Variants in FAM72C observed in about 807,000 individuals in gnomAD.
FAM72C encodes RUMY family member 3.
Under a neutral mutation model 5.2 loss-of-function variants are expected in FAM72C, and 1 was observed. The observed-to-expected ratio is 0.19, with a 90% CI of 0.07 to 0.91. The LOEUF (loss-of-function observed/expected upper bound fraction) is 0.91, where lower values mean the gene tolerates loss of function less well. Among genes scored for constraint, FAM72C ranks in the 40% least tolerant of loss-of-function variants. FAM72C has a pLI of 0.66. For missense variants in FAM72C, 4 were observed against 66.0 expected (o/e 0.06, Z 3.25); for synonymous variants, 1 against 21.8 (o/e 0.05, Z 2.66).
At chr1:143,966,782 C>G (rs1479277870) in intron 2 of FAM72C, among the ~76,000 whole-genome samples, 12,916 of 144,264 alleles carry the variant, frequency 0.09, 1,943 homozygotes, top group Non-Finnish European at 0.13. Context: ...AATCCCAGCA[C>G]TTTGGGAGGC....
intron 3 of FAM72C, among the ~76,000 whole-genome samples, chr1:143,963,818 T>A (rs1258249010): frequency 7.2e-6 from 1 of 139,470 alleles, no homozygotes; most frequent in African/African-American, 2.7e-5. Context: ...CAATAAAGCA[T>A]TTTTTTTTTT....
Position 143,955,355 on chromosome 1 carries a change from G to A in FAM72C, c.*1032C>T, listed in dbSNP as rs1451089455. On this transcript the variant is annotated 3_prime_UTR_variant, in exon 4 of 4. Transcript: ENST00000584486. ...ATGTGGGCATAACAAAAAATTAAAG[G>A]AAGAATGGTCATTTTTAGAAAAAAC... The A allele has an allele frequency of 7.1e-6, 1 of 140,952 alleles. No individual in the cohort carries two copies. The highest frequency in any genetic ancestry group is 1.5e-5 in the Non-Finnish European group (1 of 64,616). 8.7% of individuals were successfully genotyped at this position (140,952 alleles called of 1,614,324 possible).
At chr1:143,959,218 A>G (rs1553517618) in intron 3 of FAM72C, among the ~76,000 whole-genome samples, 1 of 136,002 alleles carries the variant, frequency 7.4e-6, no homozygotes, top group Non-Finnish European at 1.6e-5. Flanking sequence ...TCTTTGAAAA[A>G]TTGACCAATA....
At chr1:143,967,229 G>A (rs1661798238) in intron 2 of FAM72C, among the ~76,000 whole-genome samples, 1 of 145,760 alleles carries the variant, frequency 6.9e-6, no homozygotes, top group East Asian at 2.0e-4. Context: ...TGTAATCCTA[G>A]CACTTAGGGA....
intron 3 of FAM72C, 92 bp downstream of exon 3, chr1:143,964,753 GCTAAGAAGAT>G: frequency 1.3e-6 from 1 of 781,654 alleles, no homozygotes; most frequent in Non-Finnish European, 1.8e-6. Context: ...AGCTAATCCA[GCTAAGAAGAT>G]CTAAAAGGAA....
At chr1:143,967,360 C>T (rs1471877877) in intron 2 of FAM72C, among the ~76,000 whole-genome samples, 1 of 144,210 alleles carries the variant, frequency 6.9e-6, no homozygotes. Flanking sequence ...TGCCTGTAGT[C>T]TCAGCTACTC....
rs587633011 is a variant in FAM72C at position 143,960,446 on chromosome 1, G to A, written c.356-3965C>T. On this transcript the variant is annotated intron_variant, in intron 3 of 3. Transcript: ENST00000584486. ...AAAAAAGGTACTTCAGGCCAGGCAT[G>A]GTGACTCACGTCTGTAATCCCATGT... Among the ~76,000 whole-genome samples the A allele has an allele frequency of 4.4e-4, 54 of 121,502 alleles. 5 individuals are homozygous for A. The East Asian group carries it at 0.012, about 27-fold the overall frequency. 79.7% of individuals were successfully genotyped at this position (121,502 alleles called of 152,430 possible). A position where few individuals can be genotyped will look rare whatever the true frequency, so the allele number is the denominator to read the frequency against.
rs1281226928 is a variant in FAM72C, at chr1:143,965,775, A to G, written c.231-796T>C. 2.8e-4 allele frequency among the ~76,000 whole-genome samples: 18 copies of G among 63,518 alleles called. 1 individual carries two copies. Among genetic ancestry groups the G allele is most frequent in the Non-Finnish European group, 4.8e-4 (15 of 31,430 alleles). 41.7% of individuals were successfully genotyped at this position (63,518 alleles called of 152,430 possible). A position where few individuals can be genotyped will look rare whatever the true frequency, so the allele number is the denominator to read the frequency against. On this transcript the variant is annotated intron_variant, in intron 2 of 3. Transcript: ENST00000584486. ...AAACCAAATACAATCTGGCTGCTCT[A>G]ATTTTAGTCTCAGTGTTTTTGAAGG...
chr1:143,963,991 A>AT (rs71252096), intron 3 of FAM72C, among the ~76,000 whole-genome samples: 11 of 51,292 alleles, frequency 2.1e-4, no homozygotes, highest in Admixed American at 7.0e-4. Flanking sequence ...TAATTTTTGT[A>AT]TTTTTTTTGT....
In FAM72C at chr1:143,966,871, T is replaced by C. The variant is rs1210495136; in HGVS notation, c.231-1892A>G. The stretch of plus-strand genomic sequence containing the variant: ...GGCGAAACCCCACCTCTACTAAAAA[T>C]ACGAAAATTAACTGGGCATGGTGGC... On this transcript the variant is annotated intron_variant, in intron 2 of 3. Transcript: ENST00000584486. 9.5e-5 allele frequency among the ~76,000 whole-genome samples: 13 copies of C among 136,592 alleles called. 1 individual carries two copies. Among genetic ancestry groups the C allele is most frequent in the Non-Finnish European group, 2.1e-4 (13 of 63,044 alleles). 89.6% of individuals were successfully genotyped at this position (136,592 alleles called of 152,430 possible).
rs1553518133 is a variant in FAM72C at position 143,964,904 on chromosome 1, C to T, written c.306G>A (p.Trp102Ter). 6.4e-7 allele frequency: 1 copy of T among 1,554,246 alleles called. No individual in the cohort carries two copies. Among genetic ancestry groups the T allele is most frequent in the Admixed American group, 1.8e-5 (1 of 56,966 alleles). The change falls in exon 3 of 4, where the codon TGG becomes TGA. Residue 102 changes from tryptophan to a stop codon, truncating the protein, a stop_gained. Transcript: ENST00000584486. LOFTEE classifies it high-confidence loss of function. ...CLLSCNNRHFWMFHSQAVYDI... is the reference protein window; with the variant it reads ...CLLSCNNRHF ...CATAAACTGCCTGGCTGTGAAACAT[C>T]CAGAAGTGTCTGTTGTTGCAGGAAA...
intron 2 of FAM72C, among the ~76,000 whole-genome samples, chr1:143,965,843 A>G (rs1661758302): frequency 8.8e-6 from 1 of 114,268 alleles, no homozygotes; most frequent in African/African-American, 3.1e-5. Flanking sequence ...AGAAAGTTGC[A>G]AAAGTTTTTA....
intron 3 of FAM72C, among the ~76,000 whole-genome samples, chr1:143,961,152 G>GT (rs1661617678): frequency 7.0e-6 from 1 of 142,408 alleles, no homozygotes; most frequent in African/African-American, 2.6e-5. Context: ...CCTGCATTGA[G>GT]TAAGTCTAAC....
Position 143,967,495 on chromosome 1 carries a change from A to G in FAM72C, c.230+1429T>C, listed in dbSNP as rs1344970099. 2.3e-4 allele frequency among the ~76,000 whole-genome samples: 33 copies of G among 142,432 alleles called. 5 individuals are homozygous for G. In the South Asian group the frequency reaches 7.4e-3, roughly 32 times the overall value. 93.4% of individuals were successfully genotyped at this position (142,432 alleles called of 152,430 possible). A position where few individuals can be genotyped will look rare whatever the true frequency, so the allele number is the denominator to read the frequency against. Reference sequence around the variant, plus strand: ...TCCGTCTTAAAAAAAAAAAAAAAAGAAAAGAAAGAAGAAAATAATGTCCAA... The same window carrying G: ...TCCGTCTTAAAAAAAAAAAAAAAAGGAAAGAAAGAAGAAAATAATGTCCAA... On this transcript the variant is annotated intron_variant, in intron 2 of 3. Coordinates refer to ENST00000584486, the MANE Select transcript of FAM72C (RefSeq NM_001287385.2).
intron 3 of FAM72C, among the ~76,000 whole-genome samples, chr1:143,963,956 G>A (rs1354421735): frequency 1.2e-4 from 8 of 68,904 alleles, no homozygotes; most frequent in Admixed American, 5.1e-4. Context: ...TAGCTGGGAC[G>A]ATAGTATGCC....
chr1:143,960,614 G>A (rs1336243199), intron 3 of FAM72C, among the ~76,000 whole-genome samples: 1 of 130,366 alleles, frequency 7.7e-6, no homozygotes, highest in Non-Finnish European at 1.7e-5. Context: ...CTCGCTACTC[G>A]GGAGGCTGAG....
intron 3 of FAM72C, among the ~76,000 whole-genome samples, chr1:143,962,294 G>T (rs1282944439): frequency 6.9e-6 from 1 of 144,146 alleles, no homozygotes; most frequent in Non-Finnish European, 1.5e-5. Flanking sequence ...GATTACAGGC[G>T]TGAGCCACCG....
At chr1:143,959,966 G>A (rs1661556363) in intron 3 of FAM72C, among the ~76,000 whole-genome samples, 1 of 136,294 alleles carries the variant, frequency 7.3e-6, no homozygotes, top group Admixed American at 7.3e-5. Context: ...GACAGAGCAA[G>A]ACCCTGTCTC....
At chr1:143,962,304 G>A (rs1311616445) in intron 3 of FAM72C, among the ~76,000 whole-genome samples, 10 of 143,080 alleles carry the variant, frequency 7.0e-5, no homozygotes, top group Admixed American at 2.8e-4. Flanking sequence ...GTGAGCCACC[G>A]CGCCCGGCCT....
Sources: allele counts gnomAD v4.1 joint callset (sites outside exome capture counted in the v4.1 genomes callset), GRCh38; gene constraint gnomAD v4.1.1; transcripts MANE v1.5; gene names NCBI Gene and HGNC (gene_info 2026-07-23, HGNC 2026-07-21).